The following RBFOX1 variants were observed in gnomAD, a reference collection of about 807,000 sequenced individuals.
RBFOX1 encodes RNA binding protein fox-1 homolog 1.
In RBFOX1, 8 loss-of-function variants were observed where a neutral mutation model predicts 57.7. That is an observed-to-expected ratio of 0.14 (90% CI 0.08 to 0.25). The LOEUF (loss-of-function observed/expected upper bound fraction) is 0.25. RBFOX1 is among the 10% of genes least tolerant of loss of function. The pLI is 1.00. For missense variants in RBFOX1, 611 were observed against 548.5 expected (o/e 1.11, Z -1.14); for synonymous variants, 326 against 222.4 (o/e 1.47, Z -4.15).
chr16:6,352,850 A>G (rs1034946459), intron 2 of RBFOX1, among the ~76,000 whole-genome samples: 1 of 152,126 alleles, frequency 6.6e-6, no homozygotes, highest in Non-Finnish European at 1.5e-5. Context: ...TTTTTATATA[A>G]TTTCCTTCAT....
chr16:6,965,285 A>G lies in RBFOX1; in HGVS notation c.-15-86772A>G, dbSNP rs74250026. ...GAATTCAGGACTAGAATGACCAAAC[A>G]TAAACAAATCCAATTTCCTTTTTCT... On this transcript the variant is annotated intron_variant, in intron 3 of 15. Transcript: ENST00000550418. Among the ~76,000 whole-genome samples the G allele has an allele frequency of 2.6e-3, 394 of 152,034 alleles. 4 individuals carry two copies. Among genetic ancestry groups the G allele is most frequent in the East Asian group, 0.025 (130 of 5,140 alleles).
At chr16:6,850,699 A>T (rs990154838) in intron 3 of RBFOX1, among the ~76,000 whole-genome samples, 4 of 152,210 alleles carry the variant, frequency 2.6e-5, no homozygotes, top group African/African-American at 9.7e-5. Context: ...TGCAGAAAAA[A>T]AATCAATTTG....
intron 3 of RBFOX1, among the ~76,000 whole-genome samples, chr16:7,037,900 C>G (rs1402843543): frequency 6.6e-6 from 1 of 152,134 alleles, no homozygotes; most frequent in African/African-American, 2.4e-5. Context: ...TCTGCTGAAT[C>G]TATTTAATTG....
At chr16:6,685,613 T>G (rs2059338315) in intron 3 of RBFOX1, among the ~76,000 whole-genome samples, 1 of 152,034 alleles carries the variant, frequency 6.6e-6, no homozygotes, top group Non-Finnish European at 1.5e-5. Context: ...TGGTCACACT[T>G]AAACCAAGTC....
chr16:5,836,417 G>T (rs2056457964), intron 3 of RBFOX1, among the ~76,000 whole-genome samples: 1 of 152,152 alleles, frequency 6.6e-6, no homozygotes. Context: ...CCTAAATGGA[G>T]ACACTCAGTC....
intron 1 of RBFOX1, among the ~76,000 whole-genome samples, chr16:5,383,487 C>A (rs746869563): frequency 6.6e-6 from 1 of 152,176 alleles, no homozygotes; most frequent in African/African-American, 2.4e-5. Context: ...TGCATGCATG[C>A]TATGCAAAAC....
At chr16:6,664,132 G>T (rs1044341355) in intron 3 of RBFOX1, among the ~76,000 whole-genome samples, 3 of 152,144 alleles carry the variant, frequency 2.0e-5, no homozygotes, top group Non-Finnish European at 4.4e-5. Context: ...TGACCTTTCA[G>T]ACTTCTGTCA....
At chr16:6,996,701 T>C (rs920076370) in intron 3 of RBFOX1, among the ~76,000 whole-genome samples, 6 of 152,218 alleles carry the variant, frequency 3.9e-5, no homozygotes, top group East Asian at 1.9e-4. Flanking sequence ...TGGGATTCAA[T>C]TGATAATGCA....
At chr16:7,480,643 C>T (rs574860713) in intron 4 of RBFOX1, among the ~76,000 whole-genome samples, 1 of 152,284 alleles carries the variant, frequency 6.6e-6, no homozygotes, top group South Asian at 2.1e-4. Context: ...CTTGGTGCCG[C>T]ATGAGCAAGT....
chr16:5,279,273 G>A (rs2063214180), intron 1 of RBFOX1, among the ~76,000 whole-genome samples: 1 of 151,934 alleles, frequency 6.6e-6, no homozygotes, highest in South Asian at 2.1e-4. Flanking sequence ...GTGTTTTGTG[G>A]TTTTCATTGT....
intron 3 of RBFOX1, among the ~76,000 whole-genome samples, chr16:6,876,735 C>A (rs1603635468): frequency 6.6e-6 from 1 of 152,028 alleles, no homozygotes; most frequent in South Asian, 2.1e-4. Context: ...AACCCATAGT[C>A]CCTGCATTGT....
intron 1 of RBFOX1, among the ~76,000 whole-genome samples, chr16:6,304,543 C>T (rs951904616): frequency 4.6e-5 from 7 of 151,928 alleles, no homozygotes; most frequent in East Asian, 3.9e-4. Context: ...GGAGGGGAGA[C>T]GAATGGCTGG....
At chr16:5,924,710 A>C (rs57768923) in intron 4 of RBFOX1, among the ~76,000 whole-genome samples, 2 of 152,312 alleles carry the variant, frequency 1.3e-5, no homozygotes, top group South Asian at 4.1e-4. Flanking sequence ...GTATTCTTTT[A>C]TAGCAACACA....
At chr16:6,261,061 C>T (rs940939372) in intron 1 of RBFOX1, among the ~76,000 whole-genome samples, 5 of 152,250 alleles carry the variant, frequency 3.3e-5, no homozygotes, top group Admixed American at 6.5e-5. Context: ...ACTTGTATAA[C>T]TTGCAATGTG....
chr16:5,951,945 C>G (rs1369624455), intron 4 of RBFOX1, among the ~76,000 whole-genome samples: 1 of 151,338 alleles, frequency 6.6e-6, no homozygotes, highest in East Asian at 1.9e-4. Flanking sequence ...GTCAGAATCA[C>G]CTGTGCTGGT....
chr16:7,482,469 A>AGTT (rs139487781), intron 4 of RBFOX1, among the ~76,000 whole-genome samples: 357 of 88,100 alleles, frequency 4.1e-3, no homozygotes, highest in African/African-American at 0.026. Flanking sequence ...ATTTCATCCC[A>AGTT]GTTGTTGTTG....
At chr16:6,886,962 C>G (rs3963483) in intron 3 of RBFOX1, among the ~76,000 whole-genome samples, 120,062 of 152,044 alleles carry the variant, frequency 0.79, 48,331 homozygotes, top group African/African-American at 0.95. Flanking sequence ...TTTAAAATAA[C>G]ACAAAATGAA....
At chr16:6,724,934 TG>T (rs1482195289) in intron 3 of RBFOX1, among the ~76,000 whole-genome samples, 3 of 152,056 alleles carry the variant, frequency 2.0e-5, no homozygotes, top group Non-Finnish European at 2.9e-5. Context: ...TAAACTGTCA[TG>T]GCAGTAGTGG....
chr16:6,721,654 C>G (rs1009207628), intron 3 of RBFOX1: 1 of 152,192 alleles, frequency 6.6e-6, no homozygotes, highest in Non-Finnish European at 1.5e-5. Flanking sequence ...AATTCCTATT[C>G]TAGCTACCTC....
Sources: allele counts gnomAD v4.1 joint callset (sites outside exome capture counted in the v4.1 genomes callset), GRCh38; gene constraint gnomAD v4.1.1; transcripts MANE v1.5; gene names NCBI Gene and HGNC (gene_info 2026-07-23, HGNC 2026-07-21).